CCDC198: variants seen among roughly 807,000 people sequenced by gnomAD.
CCDC198 encodes the protein coiled-coil domain containing 198.
CCDC198 carries 18 observed loss-of-function variants against 35.6 expected under a neutral mutation model. The observed-to-expected ratio is 0.51, with a 90% CI of 0.35 to 0.75. The LOEUF is 0.75. Ranked by LOEUF, CCDC198 falls within the 30% of genes least tolerant of loss-of-function variation. The pLI, the probability that CCDC198 is intolerant of heterozygous loss-of-function variation, is 0.01. For missense variants in CCDC198, 365 were observed against 343.7 expected, an observed-to-expected ratio of 1.06 and a Z score of -0.49; for synonymous variants, 119 against 113.4, an observed-to-expected ratio of 1.05 and a Z score of -0.31.
chr14:57,475,353 G>T, intron 5 of CCDC198: 1 of 987,184 alleles, frequency 1.0e-6, no homozygotes, highest in Non-Finnish European at 1.2e-6. Flanking sequence ...AGTGCAGGTG[G>T]CCAGATAAGA....
chr14:57,479,964 G>A (rs1319656692), intron 5 of CCDC198, among the ~76,000 whole-genome samples: 1 of 152,128 alleles, frequency 6.6e-6, no homozygotes, highest in Non-Finnish European at 1.5e-5. Flanking sequence ...TATACCTAAG[G>A]CAATACTACT....
At chr14:57,493,460 A>T (rs769596646) in intron 1 of CCDC198, 33 bp downstream of exon 1, 2 of 1,547,792 alleles carry the variant, frequency 1.3e-6, no homozygotes, top group Non-Finnish European at 8.9e-7. Context: ...CTTGGTCCAG[A>T]TACACACATC....
intron 5 of CCDC198, among the ~76,000 whole-genome samples, chr14:57,472,873 C>G (rs2066864375): frequency 6.6e-6 from 1 of 152,134 alleles, no homozygotes. Context: ...AACAAAAATC[C>G]TAGGTCAAAG....
rs763452501 is a variant in CCDC198, at chr14:57,471,140, C to G, written c.*215G>C. ...ACAGGAAAGTGAGACAATAAAATGG[C>G]TCTTGGTTAGCCCCTGTGTTTTGAG... On this transcript the variant is annotated 3_prime_UTR_variant, in exon 6 of 6. Transcript: ENST00000216445. 16 of 453,434 alleles carry G rather than the reference C, an allele frequency of 3.5e-5. No homozygotes were observed. Among genetic ancestry groups the G allele is most frequent in the Non-Finnish European group, 5.8e-5 (15 of 256,482 alleles). The allele number at this position is 453,434 out of a possible 1,614,324, so 28.1% of individuals were successfully genotyped here. A position where few individuals can be genotyped will look rare whatever the true frequency, so the allele number is the denominator to read the frequency against.
chr14:57,475,699 C>G, intron 5 of CCDC198: 1 of 399,200 alleles, frequency 2.5e-6, no homozygotes, highest in Non-Finnish European at 4.8e-6. Context: ...AGGAGCGAAA[C>G]TCTGTCTTAA....
At chr14:57,483,199 T>G in intron 2 of CCDC198, 48 bp from the exon 3 acceptor site, 1 of 1,613,292 alleles carries the variant, frequency 6.2e-7, no homozygotes, top group South Asian at 1.1e-5. Context: ...TGCCATGAGA[T>G]GATGAAACAG....
intron 1 of CCDC198, among the ~76,000 whole-genome samples, chr14:57,491,560 C>T (rs958415815): frequency 3.9e-5 from 6 of 152,050 alleles, no homozygotes; most frequent in African/African-American, 1.4e-4. Flanking sequence ...CGTGTGAACA[C>T]AATTCAATAG....
chr14:57,476,518 A>C (rs895468941), intron 5 of CCDC198, among the ~76,000 whole-genome samples: 2 of 152,200 alleles, frequency 1.3e-5, no homozygotes, highest in African/African-American at 4.8e-5. Flanking sequence ...TGTACACCAA[A>C]AAGAGTGACA....
At chr14:57,475,870 C>T (rs2066979909) in intron 5 of CCDC198, among the ~76,000 whole-genome samples, 2 of 119,854 alleles carry the variant, frequency 1.7e-5, no homozygotes, top group African/African-American at 3.1e-5. Flanking sequence ...GGTGTGATCT[C>T]GGCTTACTGC....
At chr14:57,483,734 G>A (rs970358798) in intron 2 of CCDC198, among the ~76,000 whole-genome samples, 1 of 152,142 alleles carries the variant, frequency 6.6e-6, no homozygotes, top group Non-Finnish European at 1.5e-5. Context: ...ACTAAGACTG[G>A]GCAGCAATTC....
At position 57,471,348 on chromosome 14, in the gene CCDC198, A is replaced by G; in HGVS notation, c.*7T>C. The G allele has an allele frequency of 6.3e-7, 1 of 1,596,412 alleles. No individual in the cohort carries two copies. Among genetic ancestry groups the G allele is most frequent in the South Asian group, 1.1e-5 (1 of 89,710 alleles). ...GCACTCAGTTTCTAGGTTAATGAATAGTATTCTTATTCTTGATCAAAAAAC... is the reference window on the plus strand; with the variant it reads ...GCACTCAGTTTCTAGGTTAATGAATGGTATTCTTATTCTTGATCAAAAAAC... On this transcript the variant is annotated 3_prime_UTR_variant, in exon 6 of 6. Coordinates refer to ENST00000216445, the MANE Select transcript of CCDC198 (RefSeq NM_018168.4).
Position 57,471,247 on chromosome 14 carries a change from A to C in CCDC198, c.*108T>G. On this transcript the variant is annotated 3_prime_UTR_variant, in exon 6 of 6. Coordinates refer to ENST00000216445, the MANE Select transcript of CCDC198 (RefSeq NM_018168.4). ...GACTCTAAAGATATCATTTCTTTTTACCAAAGTGATTTGCTGTCCTCAAAG... is the reference window on the plus strand; with the variant it reads ...GACTCTAAAGATATCATTTCTTTTTCCCAAAGTGATTTGCTGTCCTCAAAG... 4.0e-6 allele frequency: 3 copies of C among 759,062 alleles called. No individual in the cohort carries two copies. In the South Asian group the frequency reaches 5.8e-5, roughly 15 times the overall value. The allele number at this position is 759,062 out of a possible 1,614,324, so 47.0% of individuals were successfully genotyped here.
chr14:57,475,754 C>T (rs1404213014), intron 5 of CCDC198: 4 of 350,758 alleles, frequency 1.1e-5, no homozygotes, highest in Non-Finnish European at 1.6e-5. Flanking sequence ...TCAGTTTTGT[C>T]TATATTCCCA....
rs2066785609 is a variant in CCDC198 at position 57,469,826 on chromosome 14, G to A, written c.*1529C>T. ...TATCTTCTTAGTTTCTGATGTGAAT[G>A]CATTGAATGTCAAATTGAAGTGGTG... is the stretch of plus-strand genomic sequence containing the variant. On this transcript the variant is annotated 3_prime_UTR_variant, in exon 6 of 6. Transcript: ENST00000216445. 6.6e-6 allele frequency: 1 copy of A among 152,172 alleles called. No individual in the cohort carries two copies. The highest frequency in any genetic ancestry group is 1.5e-5 in the Non-Finnish European group (1 of 68,032). The allele number at this position is 152,172 out of a possible 1,614,324, so 9.4% of individuals were successfully genotyped here. A position where few individuals can be genotyped will look rare whatever the true frequency, so the allele number is the denominator to read the frequency against.
rs1327436536 is a variant in CCDC198, at chr14:57,469,720, T to C, written c.*1635A>G. On this transcript the variant is annotated 3_prime_UTR_variant, in exon 6 of 6. Coordinates refer to ENST00000216445, the MANE Select transcript of CCDC198 (RefSeq NM_018168.4). ...AAGACTACTCACAAAGAACTGGGAA[T>C]AGATATGGCCTGGGACAATCTAATA... 1.3e-5 allele frequency: 2 copies of C among 152,200 alleles called. No individual in the cohort carries two copies. The highest frequency in any genetic ancestry group is 3.8e-4 in the East Asian group (2 of 5,196). 9.4% of individuals were successfully genotyped at this position (152,200 alleles called of 1,614,324 possible). A position where few individuals can be genotyped will look rare whatever the true frequency, so the allele number is the denominator to read the frequency against.
At chr14:57,477,821 C>T (rs1566576119) in intron 5 of CCDC198, among the ~76,000 whole-genome samples, 1 of 152,148 alleles carries the variant, frequency 6.6e-6, no homozygotes, top group Non-Finnish European at 1.5e-5. Context: ...CCTCAGCCTC[C>T]CGAGTAGCTG....
intron 1 of CCDC198, 106 bp from the exon 2 acceptor site, chr14:57,491,177 T>A: frequency 8.9e-7 from 1 of 1,123,030 alleles, no homozygotes; most frequent in Non-Finnish European, 1.3e-6. Flanking sequence ...TTGTACCTTT[T>A]CAGTTATATA....
rs2066786408 is a variant in CCDC198, at chr14:57,469,876, T to C, written c.*1479A>G. The stretch of plus-strand genomic sequence containing the variant: ...GTTTTCCTCTATTTTTTTCTGTTTT[T>C]GGAGTCTTCCCATATAAGGCACAAA... On this transcript the variant is annotated 3_prime_UTR_variant, in exon 6 of 6. Transcript: ENST00000216445. 6.6e-6 allele frequency: 1 copy of C among 152,226 alleles called. No homozygotes were observed. The highest frequency in any genetic ancestry group is 2.1e-4 in the South Asian group (1 of 4,830). The allele number at this position is 152,226 out of a possible 1,614,324, so 9.4% of individuals were successfully genotyped here. A position where few individuals can be genotyped will look rare whatever the true frequency, so the allele number is the denominator to read the frequency against.
chr14:57,469,643 C>A lies in CCDC198; in HGVS notation c.*1712G>T, dbSNP rs1411688604. On this transcript the variant is annotated 3_prime_UTR_variant, in exon 6 of 6. Transcript: ENST00000216445. ...TAGAAAGCTGGCTAGTCAAACAATGCATGCTTTCTTTTGGTGGAAATATGC... is the reference window on the plus strand; with the variant it reads ...TAGAAAGCTGGCTAGTCAAACAATGAATGCTTTCTTTTGGTGGAAATATGC... The A allele has an allele frequency of 6.6e-6, 1 of 152,150 alleles. No homozygotes were observed. The highest frequency in any genetic ancestry group is 1.5e-5 in the Non-Finnish European group (1 of 68,018). The allele number at this position is 152,150 out of a possible 1,614,324, so 9.4% of individuals were successfully genotyped here. A position where few individuals can be genotyped will look rare whatever the true frequency, so the allele number is the denominator to read the frequency against.
Sources: gnomAD v4.1 joint callset for allele counts (sites outside exome capture counted in the v4.1 genomes callset) on GRCh38, gnomAD v4.1.1 for gene constraint, MANE v1.5 for transcripts, NCBI Gene and HGNC (gene_info 2026-07-23, HGNC 2026-07-21) for gene names.